Variants in DDB2 observed in about 807,000 individuals in gnomAD.
DDB2 encodes damage specific DNA binding protein 2.
In DDB2, 27 loss-of-function variants were observed where a neutral mutation model predicts 50.5. The ratio of observed to expected loss-of-function variants is 0.53; its 90% CI spans 0.39 to 0.74. The LOEUF is 0.74. Ranked by LOEUF, DDB2 falls within the 30% of genes least tolerant of loss-of-function variation. DDB2 has a pLI of 0.00. For missense variants in DDB2, 424 were observed against 545.6 expected, an observed-to-expected ratio of 0.78 and a Z score of 2.22; for synonymous variants, 176 against 205.5, an observed-to-expected ratio of 0.86 and a Z score of 1.23.
At chr11:47,238,702 T>C in intron 9 of DDB2, 98 bp from the exon 10 acceptor site, 2 of 1,384,532 alleles carry the variant, frequency 1.4e-6, no homozygotes, top group East Asian at 4.6e-5. Flanking sequence ...CCGGCCTTCC[T>C]AGTATTTCTT....
chr11:47,230,169 T>C (rs940229984), intron 3 of DDB2, among the ~76,000 whole-genome samples: 2 of 149,894 alleles, frequency 1.3e-5, no homozygotes, highest in African/African-American at 2.5e-5. Flanking sequence ...GACACACACC[T>C]ATAGCCTATA....
At chr11:47,226,278 C>CTT (rs759607243) in intron 3 of DDB2, among the ~76,000 whole-genome samples, 2,772 of 139,252 alleles carry the variant, frequency 0.02, 62 homozygotes, top group Non-Finnish European at 0.03. Context: ...CATTTATTTT[C>CTT]TTTTTTTTTT....
At chr11:47,228,977 A>ATGTCTATCTATCTATC (rs1554974378) in intron 3 of DDB2, among the ~76,000 whole-genome samples, 1 of 124,660 alleles carries the variant, frequency 8.0e-6, no homozygotes, top group Non-Finnish European at 1.6e-5. Flanking sequence ...AAAAAAAGAA[A>ATGTCTATCTATCTATC]TATCTATCTA....
At chr11:47,222,733 C>T (rs1165694245) in intron 3 of DDB2, among the ~76,000 whole-genome samples, 3 of 152,128 alleles carry the variant, frequency 2.0e-5, no homozygotes, top group Admixed American at 6.6e-5. Flanking sequence ...ACATATAAAG[C>T]GACTGTGAAC....
At chr11:47,225,290 C>CT (rs1565153050) in intron 3 of DDB2, among the ~76,000 whole-genome samples, 2 of 148,586 alleles carry the variant, frequency 1.3e-5, no homozygotes, top group South Asian at 2.2e-4. Context: ...AGTAATACTG[C>CT]TTTTTTTAAA....
chr11:47,229,864 T>C (rs1953620064), intron 3 of DDB2: 1 of 397,796 alleles, frequency 2.5e-6, no homozygotes, highest in Admixed American at 3.5e-5. Flanking sequence ...AGGGTCTTGC[T>C]CTGCCACCCA....
rs1487560828 is a variant in DDB2, at chr11:47,216,343, C to G, written c.135C>G (p.Ser45Arg). The G allele has an allele frequency of 6.2e-7, 1 of 1,614,154 alleles. No homozygotes were observed. Among genetic ancestry groups the G allele is most frequent in the African/African-American group, 1.3e-5 (1 of 75,038 alleles). The change falls in exon 2 of 10, where the codon AGC (serine) becomes AGG (arginine). Residue 45 changes from serine to arginine, a missense_variant. Transcript: ENST00000256996. The part of the protein sequence containing the change: ...KKLCAKGSGP[S>R]RRCDSDCLWV... ...GTCTGTTCTGCTTGGCAGGTCCTAG[C>G]AGAAGATGTGACTCAGACTGCCTCT...
chr11:47,216,355 C>T lies in DDB2; in HGVS notation c.147C>T (p.Asp49=), dbSNP rs759879517. The T allele has an allele frequency of 1.2e-6, 2 of 1,614,154 alleles. No homozygotes were observed. The highest frequency in any genetic ancestry group is 1.7e-6 in the Non-Finnish European group (2 of 1,180,022). Residue 49 remains aspartate, a synonymous_variant, in exon 2 of 10, where the codon GAC becomes GAT. Transcript: ENST00000256996. ...AKGSGPSRRC[D]SDCLWVGLAG... ...TGGCAGGTCCTAGCAGAAGATGTGA[C>T]TCAGACTGCCTCTGGGTGGGGCTGG...
intron 1 of DDB2, chr11:47,216,124 C>G: frequency 2.7e-6 from 2 of 729,942 alleles, no homozygotes; most frequent in Non-Finnish European, 4.9e-6. Context: ...TTCAGACTTA[C>G]TGTTTGTGGG....
rs1369699705 is a variant in DDB2 at position 47,235,300 on chromosome 11, T to C, written c.911T>C (p.Leu304Pro). Residue 304 changes from leucine (L) to proline (P), a missense_variant, in exon 7 of 10, where the codon CTG (leucine) becomes CCG (proline). Leu to Pro is a moderately conservative substitution (Grantham distance 98). Transcript: ENST00000256996. Reference sequence around the variant, plus strand: ...TTCAGTCCCGATGGAGCCCGGCTCCTGACCACGGACCAGAAGAGCGAGATC... The same window carrying C: ...TTCAGTCCCGATGGAGCCCGGCTCCCGACCACGGACCAGAAGAGCGAGATC... Reference protein sequence around the residue: ...ACFSPDGARLLTTDQKSEIRV... With the variant: ...ACFSPDGARLPTTDQKSEIRV... The C allele has an allele frequency of 6.2e-7, 1 of 1,614,248 alleles. No individual in the cohort carries two copies. The highest frequency in any genetic ancestry group is 8.5e-7 in the Non-Finnish European group (1 of 1,180,048).
At chr11:47,232,422 CA>C (rs1320597506) in intron 3 of DDB2, among the ~76,000 whole-genome samples, 18 of 151,636 alleles carry the variant, frequency 1.2e-4, no homozygotes, top group Admixed American at 1.2e-3. Flanking sequence ...GAAGCCGTGG[CA>C]GGGGGATCGC....
intron 7 of DDB2, among the ~76,000 whole-genome samples, chr11:47,237,391 AC>A (rs1305184494): frequency 6.6e-6 from 1 of 151,716 alleles, no homozygotes; most frequent in Non-Finnish European, 1.5e-5. Flanking sequence ...TTTCTGTAAG[AC>A]TTATCTCCAT....
intron 3 of DDB2, among the ~76,000 whole-genome samples, chr11:47,227,166 G>A (rs189396398): frequency 1.5e-3 from 176 of 119,506 alleles, no homozygotes; most frequent in South Asian, 1.5e-3. Context: ...GAGTGTAATG[G>A]CTCAATCTCG....
At chr11:47,218,532 T>A (rs1390521939) in intron 3 of DDB2, among the ~76,000 whole-genome samples, 1 of 152,186 alleles carries the variant, frequency 6.6e-6, no homozygotes, top group Non-Finnish European at 1.5e-5. Flanking sequence ...AAAGACATAG[T>A]GTGACTGGGT....
Position 47,216,896 on chromosome 11 carries a change from C to A in DDB2, c.303C>A (p.Tyr101Ter). The change falls in exon 3 of 10, where the codon TAC becomes TAA. Residue 101 changes from tyrosine to a stop codon, truncating the protein, a stop_gained. Transcript: ENST00000256996. LOFTEE classifies it high-confidence loss of function. ...CCTTTTTGCACACTCTGGATTCTTA[C>A]CGGATATTACAAAAGGCTGCCCCCT... ...QQSFLHTLDS[Y>*]RILQKAAPFD... is the part of the protein sequence containing the mutation. 1 of 1,614,082 alleles carries A rather than the reference C, an allele frequency of 6.2e-7. No homozygotes were observed.
chr11:47,237,439 T>TC (rs1236540954), intron 7 of DDB2, among the ~76,000 whole-genome samples: 14 of 151,350 alleles, frequency 9.3e-5, no homozygotes, highest in Non-Finnish European at 1.8e-4. Flanking sequence ...TACTACTTTT[T>TC]TTTTTTTTTT....
intron 3 of DDB2, among the ~76,000 whole-genome samples, chr11:47,223,223 G>A (rs891777230): frequency 6.6e-5 from 10 of 151,698 alleles, no homozygotes; most frequent in South Asian, 2.1e-4. Context: ...TGTGGCTTAC[G>A]CCTGTAATCC....
At chr11:47,234,455 A>C in intron 4 of DDB2, 118 bp from the exon 5 acceptor site, 1 of 826,338 alleles carries the variant, frequency 1.2e-6, no homozygotes, top group Admixed American at 1.7e-5. Flanking sequence ...ACAGTTATTC[A>C]TTCATTCAAC....
At chr11:47,217,502 G>A in intron 3 of DDB2, 1 of 153,246 alleles carries the variant, frequency 6.5e-6, no homozygotes, top group South Asian at 2.0e-4. Context: ...TTAACTGTGG[G>A]CATTTTCAAA....
Sources: allele counts gnomAD v4.1 joint callset (sites outside exome capture counted in the v4.1 genomes callset), GRCh38; gene constraint gnomAD v4.1.1; transcripts MANE v1.5; gene names NCBI Gene and HGNC (gene_info 2026-07-23, HGNC 2026-07-21).